LDB3: variants seen among roughly 807,000 people sequenced by gnomAD.
LDB3 encodes LIM domain-binding protein 3.
In LDB3, 49 loss-of-function variants were observed where a neutral mutation model predicts 69.0. The observed-to-expected ratio is 0.71, with a 90% CI of 0.56 to 0.90. The LOEUF (loss-of-function observed/expected upper bound fraction) is 0.90, where lower values mean the gene tolerates loss of function less well. LDB3 is among the 40% of genes least tolerant of loss of function. LDB3 has a pLI of 0.00. For missense variants in LDB3, 928 were observed against 974.1 expected, an observed-to-expected ratio of 0.95 and a Z score of 0.63; for synonymous variants, 387 against 396.2, an observed-to-expected ratio of 0.98 and a Z score of 0.28.
At chr10:86,706,741 G>C (rs762237517) in intron 8 of LDB3, 22 bp downstream of exon 8, 1 of 1,598,502 alleles carries the variant, frequency 6.3e-7, no homozygotes, top group Non-Finnish European at 8.5e-7. Flanking sequence ...ACAGGTGCTG[G>C]GCCTGACCCT....
intron 7 of LDB3, among the ~76,000 whole-genome samples, chr10:86,704,691 C>T (rs9794160): frequency 0.074 from 11,291 of 151,880 alleles, 492 homozygotes; most frequent in African/African-American, 0.081. Flanking sequence ...GCCATTCTCC[C>T]GCCTCAGCCC....
In LDB3 at chr10:86,706,537, T is replaced by C; in HGVS notation, c.903T>C (p.Pro301=). 1 of 1,612,522 alleles carries C rather than the reference T, an allele frequency of 6.2e-7. No homozygotes were observed. The highest frequency in any genetic ancestry group is 1.1e-5 in the South Asian group (1 of 91,078). The part of the protein sequence containing the change: ...DEEALRRSST[P]IEHAPVCTSQ... Reference sequence around the variant, plus strand: ...TTTGGTCCCGCCTCATCAGCACCCCTATTGAGCATGCGCCGGTGTGCACCA... The same window carrying C: ...TTTGGTCCCGCCTCATCAGCACCCCCATTGAGCATGCGCCGGTGTGCACCA... The change falls in exon 8 of 14, where the codon CCT becomes CCC. Residue 301 remains proline, a synonymous_variant. Transcript: ENST00000361373.
rs200585183 is a variant in LDB3, at chr10:86,680,167, G to A, written c.321+10G>A. ...GATCCCTCACCAGAAGGTAGGTGCT[G>A]ACTGTGGCGGCGGGGTCCACTCAGC... On this transcript the variant is annotated intron_variant, in intron 4 of 13. Transcript: ENST00000361373. 13 of 1,613,074 alleles carry A rather than the reference G, an allele frequency of 8.1e-6. No individual in the cohort carries two copies. Among genetic ancestry groups the A allele is most frequent in the African/African-American group, 4.0e-5 (3 of 74,924 alleles).
chr10:86,725,738 A>G (rs375000541), intron 12 of LDB3, among the ~76,000 whole-genome samples: 2 of 152,366 alleles, frequency 1.3e-5, no homozygotes, highest in East Asian at 1.9e-4. Context: ...AGAAAATTCT[A>G]TAACTCTTAA....
rs45617137 is a variant in LDB3 at position 86,680,405 on chromosome 10, G to A, written c.321+248G>A. ...CCTGGGTGCAAGCCACCTCCGCTAT[G>A]CCTCGTGGCTGGGCTGATAGGAAGC... is the stretch of plus-strand genomic sequence containing the variant. On this transcript the variant is annotated intron_variant, in intron 4 of 13. Coordinates refer to ENST00000361373, the MANE Select transcript of LDB3 (RefSeq NM_007078.3). Among the ~76,000 whole-genome samples, 6,082 of 152,346 alleles carry A rather than the reference G, an allele frequency of 0.04. 229 individuals are homozygous for A. The highest frequency in any genetic ancestry group is 0.12 in the Admixed American group (1,802 of 15,302).
Position 86,681,781 on chromosome 10 carries a change from T to C in LDB3, c.667T>C (p.Ser223Pro), listed in dbSNP as rs1383781404. 1 of 1,597,576 alleles carries C rather than the reference T, an allele frequency of 6.3e-7. No individual in the cohort carries two copies. The highest frequency in any genetic ancestry group is 1.1e-5 in the South Asian group (1 of 88,332). Residue 223 changes from serine (S) to proline (P), a missense_variant, in exon 5 of 14, where the codon TCG becomes CCG. Ser to Pro is a moderately conservative substitution (Grantham distance 74). Transcript: ENST00000361373. ...CCAGATGAGCCTCCGAGGGAAGGCC[T>C]CGGGTGTCGGACTCCCAGGAGGGTA... ...MYQMSLRGKA[S>P]GVGLPGGSLP...
At chr10:86,717,842 A>T in intron 10 of LDB3, 122 bp from the exon 11 acceptor site, 1 of 885,350 alleles carries the variant, frequency 1.1e-6, no homozygotes, top group Non-Finnish European at 1.8e-6. Context: ...ACATTACTTC[A>T]TCAGAACAGT....
At chr10:86,674,806 C>T (rs927771281) in intron 2 of LDB3, among the ~76,000 whole-genome samples, 3 of 152,128 alleles carry the variant, frequency 2.0e-5, no homozygotes, top group Admixed American at 1.3e-4. Flanking sequence ...GTGGAAGCAT[C>T]GTGCCTGGAC....
intron 2 of LDB3, among the ~76,000 whole-genome samples, chr10:86,671,671 G>A (rs1402784490): frequency 6.6e-6 from 1 of 152,192 alleles, no homozygotes; most frequent in African/African-American, 2.4e-5. Context: ...CCAGAGGCTG[G>A]GGCTGTGGTC....
chr10:86,725,438 C>T (rs1365240066), intron 12 of LDB3, among the ~76,000 whole-genome samples: 1 of 152,064 alleles, frequency 6.6e-6, no homozygotes, highest in African/African-American at 2.4e-5. Context: ...GCATTCATTC[C>T]CTATATATGT....
chr10:86,677,046 C>G (rs998495428), intron 2 of LDB3, among the ~76,000 whole-genome samples: 3 of 152,212 alleles, frequency 2.0e-5, no homozygotes, highest in African/African-American at 7.2e-5. Context: ...CTGGGATGTG[C>G]CCAGAGAAGC....
chr10:86,676,142 C>G (rs1223176333), intron 2 of LDB3, among the ~76,000 whole-genome samples: 1 of 152,246 alleles, frequency 6.6e-6, no homozygotes, highest in African/African-American at 2.4e-5. Context: ...GCAAGCTGGA[C>G]TTTGCAAAGC....
intron 4 of LDB3, 24 bp downstream of exon 4, chr10:86,680,181 G>T: frequency 6.2e-7 from 1 of 1,606,652 alleles, no homozygotes; most frequent in African/African-American, 1.3e-5. Flanking sequence ...GTGGCGGCGG[G>T]GTCCACTCAG....
chr10:86,716,862 G>T, intron 10 of LDB3, 91 bp downstream of exon 10: 1 of 1,368,394 alleles, frequency 7.3e-7, no homozygotes, highest in South Asian at 1.2e-5. Context: ...TGGGAGAGAT[G>T]GGGGTAGGAG....
At chr10:86,718,218 T>G in intron 11 of LDB3, 74 bp downstream of exon 11, 1 of 1,431,070 alleles carries the variant, frequency 7.0e-7, no homozygotes, top group Non-Finnish European at 9.9e-7. Context: ...GGGATCCCAT[T>G]AGGAAGCCAA....
chr10:86,670,004 C>A (rs1052430067), intron 2 of LDB3, among the ~76,000 whole-genome samples: 1 of 149,664 alleles, frequency 6.7e-6, no homozygotes, highest in Non-Finnish European at 1.5e-5. Context: ...GGGTCAGGAG[C>A]CAATGCCCCC....
intron 13 of LDB3, among the ~76,000 whole-genome samples, chr10:86,730,511 C>T (rs1262562264): frequency 6.6e-6 from 1 of 152,182 alleles, no homozygotes; most frequent in African/African-American, 2.4e-5. Flanking sequence ...CCCATGAACC[C>T]AGATCAATTT....
chr10:86,677,686 T>G (rs993629967), intron 2 of LDB3, among the ~76,000 whole-genome samples: 10 of 152,142 alleles, frequency 6.6e-5, no homozygotes, highest in African/African-American at 2.4e-4. Flanking sequence ...TTATCGGGGC[T>G]CAGGGTTTGG....
At chr10:86,677,534 G>A (rs577733169) in intron 2 of LDB3, among the ~76,000 whole-genome samples, 120 of 152,304 alleles carry the variant, frequency 7.9e-4, no homozygotes, top group African/African-American at 2.7e-3. Flanking sequence ...AGTGCAGTCT[G>A]AGCCACGATG....
Sources: gnomAD v4.1 joint callset for allele counts (sites outside exome capture counted in the v4.1 genomes callset) on GRCh38, gnomAD v4.1.1 for gene constraint, MANE v1.5 for transcripts, NCBI Gene and HGNC (gene_info 2026-07-23, HGNC 2026-07-21) for gene names.